The following ANKS1A variants were observed in gnomAD, a reference collection of about 807,000 sequenced individuals.
The protein encoded by ANKS1A is ankyrin repeat and sterile alpha motif domain containing 1A.
In ANKS1A, 55 loss-of-function variants were observed where a neutral mutation model predicts 120.3. That is an observed-to-expected ratio of 0.46 (90% CI 0.37 to 0.57). ANKS1A has a LOEUF of 0.57. ANKS1A is among the 20% of genes least tolerant of loss of function. ANKS1A has a pLI of 0.00. For missense variants in ANKS1A, 1,123 were observed against 1,480.3 expected, an observed-to-expected ratio of 0.76 and a Z score of 3.96; for synonymous variants, 590 against 604.7, an observed-to-expected ratio of 0.98 and a Z score of 0.36.
intron 1 of ANKS1A, among the ~76,000 whole-genome samples, chr6:34,898,373 C>T (rs1377787871): frequency 2.6e-5 from 4 of 152,232 alleles, no homozygotes; most frequent in Middle Eastern, 3.4e-3. Flanking sequence ...AGGGTGCTGA[C>T]TCAATATTGT....
intron 10 of ANKS1A, among the ~76,000 whole-genome samples, chr6:34,995,260 C>T (rs780274285): frequency 2.6e-5 from 4 of 152,068 alleles, no homozygotes; most frequent in African/African-American, 9.7e-5. Flanking sequence ...GGGTAGAGGG[C>T]GGCAAAGAGA....
At chr6:34,900,818 T>C (rs1767311202) in intron 1 of ANKS1A, among the ~76,000 whole-genome samples, 2 of 152,054 alleles carry the variant, frequency 1.3e-5, no homozygotes, top group African/African-American at 4.8e-5. Context: ...GGGAAGACTT[T>C]GACTACATAC....
At chr6:34,996,361 C>G (rs1772853697) in intron 10 of ANKS1A, among the ~76,000 whole-genome samples, 1 of 152,056 alleles carries the variant, frequency 6.6e-6, no homozygotes, top group African/African-American at 2.4e-5. Flanking sequence ...TGATTTTCTC[C>G]CAATCTGTGA....
intron 1 of ANKS1A, among the ~76,000 whole-genome samples, chr6:34,914,407 A>T (rs954518052): frequency 6.6e-6 from 1 of 152,252 alleles, no homozygotes; most frequent in Admixed American, 6.5e-5. Context: ...CAATAAAAAT[A>T]ATCGTCACTT....
At chr6:34,914,463 G>A (rs1768062567) in intron 1 of ANKS1A, among the ~76,000 whole-genome samples, 1 of 152,284 alleles carries the variant, frequency 6.6e-6, no homozygotes, top group South Asian at 2.1e-4. Flanking sequence ...ATTTGATTTA[G>A]TGTTTTCAGG....
chr6:34,951,624 A>G (rs1009280862), intron 1 of ANKS1A, among the ~76,000 whole-genome samples: 1 of 152,208 alleles, frequency 6.6e-6, no homozygotes, highest in Admixed American at 6.5e-5. Context: ...CATTTGAGAC[A>G]TTTATCCCTT....
intron 3 of ANKS1A, among the ~76,000 whole-genome samples, chr6:34,979,053 G>A (rs976703709): frequency 1.3e-5 from 2 of 151,608 alleles, no homozygotes; most frequent in Non-Finnish European, 2.9e-5. Flanking sequence ...CCGCCACCAC[G>A]CCCGGGTAAT....
chr6:35,065,250 AGGT>A (rs2127594402), intron 13 of ANKS1A, among the ~76,000 whole-genome samples: 1 of 152,012 alleles, frequency 6.6e-6, no homozygotes, highest in South Asian at 2.1e-4. Context: ...CAGGCATTCC[AGGT>A]GACCAGCTGG....
At chr6:34,943,266 T>C (rs1769622033) in intron 1 of ANKS1A, among the ~76,000 whole-genome samples, 1 of 152,188 alleles carries the variant, frequency 6.6e-6, no homozygotes, top group Non-Finnish European at 1.5e-5. Context: ...ACAGCAGTTT[T>C]AGGTTTATAG....
In ANKS1A at chr6:35,083,441, A is replaced by C; in HGVS notation, c.2932A>C (p.Ile978Leu). 1 of 1,614,024 alleles carries C rather than the reference A, an allele frequency of 6.2e-7. No homozygotes were observed. The highest frequency in any genetic ancestry group is 8.5e-7 in the Non-Finnish European group (1 of 1,180,002). ...MRKSTEHMKK[I>L]PTIILSITYK... ...GAAATCTACGGAGCACATGAAGAAG[A>C]TCCCCACCATCATCCTGTCCATCAC... The change falls in exon 20 of 24, where the codon ATC becomes CTC. Residue 978 changes from isoleucine (I) to leucine (L), a missense_variant. This residue lies in a region of ANKS1A where 904 missense variants were observed against 1,130.4 expected (regional missense o/e 0.80). Transcript: ENST00000360359.
intron 1 of ANKS1A, among the ~76,000 whole-genome samples, chr6:34,935,841 T>C (rs1353448530): frequency 6.6e-6 from 1 of 151,700 alleles, no homozygotes; most frequent in Non-Finnish European, 1.5e-5. Flanking sequence ...GGCGGGCGGA[T>C]CACGAGGTCA....
intron 1 of ANKS1A, among the ~76,000 whole-genome samples, chr6:34,947,624 C>A (rs1769869596): frequency 1.3e-5 from 2 of 152,170 alleles, no homozygotes; most frequent in Non-Finnish European, 2.9e-5. Context: ...TTGACTGTTG[C>A]AAATGGCTGC....
intron 10 of ANKS1A, among the ~76,000 whole-genome samples, chr6:34,997,837 A>G (rs1772937510): frequency 6.6e-6 from 1 of 152,250 alleles, no homozygotes; most frequent in Non-Finnish European, 1.5e-5. Flanking sequence ...GGGATTTTGT[A>G]TCCCCATATC....
intron 10 of ANKS1A, among the ~76,000 whole-genome samples, chr6:35,012,861 C>G (rs998153425): frequency 2.0e-5 from 3 of 152,138 alleles, no homozygotes; most frequent in African/African-American, 7.2e-5. Flanking sequence ...CCCTGTGTGC[C>G]ACTATCTCCT....
chr6:34,996,648 T>C (rs1168019573), intron 10 of ANKS1A, among the ~76,000 whole-genome samples: 2 of 152,160 alleles, frequency 1.3e-5, no homozygotes, highest in African/African-American at 4.8e-5. Flanking sequence ...AATTTTTGTA[T>C]TTTTAGTAGA....
At chr6:34,994,560 G>T in intron 10 of ANKS1A, 138 bp downstream of exon 10, 4 of 1,325,486 alleles carry the variant, frequency 3.0e-6, no homozygotes, top group African/African-American at 1.5e-5. Context: ...ATCTGGGATG[G>T]TGGGTCCATT....
chr6:34,917,185 A>T (rs761598105), intron 1 of ANKS1A, among the ~76,000 whole-genome samples: 39 of 152,194 alleles, frequency 2.6e-4, no homozygotes, highest in Non-Finnish European at 4.8e-4. Flanking sequence ...AAGAGCCAGG[A>T]GAGAAGGAAG....
In ANKS1A at chr6:35,023,711, C is replaced by T. The variant is rs75279491; in HGVS notation, c.2010+5652C>T. The T allele has an allele frequency of 6.3e-3, 2,130 of 339,126 alleles. 42 individuals carry two copies. The highest frequency in any genetic ancestry group is 0.036 in the African/African-American group (1,672 of 46,016). The allele number at this position is 339,126 out of a possible 1,614,324, so 21.0% of individuals were successfully genotyped here. A position where few individuals can be genotyped will look rare whatever the true frequency, so the allele number is the denominator to read the frequency against. Reference sequence around the variant, plus strand: ...AGGGTAGAGAGATTCGACCAATTAGCGTGGAAGTTGGAGACAAATTTCTTC... The same window carrying T: ...AGGGTAGAGAGATTCGACCAATTAGTGTGGAAGTTGGAGACAAATTTCTTC... On this transcript the variant is annotated intron_variant, in intron 11 of 23. Transcript: ENST00000360359.
Position 34,982,941 on chromosome 6 carries a change from T to C in ANKS1A, c.808+114T>C. ...TGTTTGAACTCAATGTATGTGTATC[T>C]CCACTGGTTGATTACAAGTGTGTAA... On this transcript the variant is annotated intron_variant, in intron 5 of 23. Coordinates refer to ENST00000360359, the MANE Select transcript of ANKS1A (RefSeq NM_015245.3). This position sits in a 1 kb window ranked among gnomAD's most constrained non-coding sequence, Gnocchi z 4.9. 1.5e-6 allele frequency: 2 copies of C among 1,338,298 alleles called. No individual in the cohort carries two copies. Among genetic ancestry groups the C allele is most frequent in the Non-Finnish European group, 2.1e-6 (2 of 934,688 alleles). 82.9% of individuals were successfully genotyped at this position (1,338,298 alleles called of 1,614,324 possible). A position where few individuals can be genotyped will look rare whatever the true frequency, so the allele number is the denominator to read the frequency against.
Sources: allele counts gnomAD v4.1 joint callset (sites outside exome capture counted in the v4.1 genomes callset), GRCh38; gene constraint gnomAD v4.1.1; regional missense constraint gnomAD v4.1.1; non-coding constraint Gnocchi (gnomAD v3.1); transcripts MANE v1.5; gene names NCBI Gene and HGNC (gene_info 2026-07-23, HGNC 2026-07-21).